Variants in ZNF618 observed in about 807,000 individuals in gnomAD.
ZNF618 encodes the protein zinc finger protein 618, also known as neural precursor cell expressed, developmentally down-regulated 10.
Under a neutral mutation model 103.0 loss-of-function variants are expected in ZNF618, and 34 were observed. The ratio of observed to expected loss-of-function variants is 0.33; its 90% confidence interval spans 0.25 to 0.44. The LOEUF (loss-of-function observed/expected upper bound fraction) is 0.44, where lower values mean the gene tolerates loss of function less well. Among genes scored for constraint, ZNF618 ranks in the 20% least tolerant of loss-of-function variants. The probability of loss-of-function intolerance (pLI) is 1.00; values close to 1 mark genes in which losing one functional copy is unlikely to be tolerated. For missense variants in ZNF618, 1,059 were observed against 1,295.4 expected, an observed-to-expected ratio of 0.82 and a Z score of 2.80; for synonymous variants, 551 against 542.2, an observed-to-expected ratio of 1.02 and a Z score of -0.23.
chr9:113,939,533 A>G (rs893365028), intron 1 of ZNF618, among the ~76,000 whole-genome samples: 49 of 152,136 alleles, frequency 3.2e-4, no homozygotes, highest in Non-Finnish European at 5.6e-4. Flanking sequence ...TCTCCTCCTC[A>G]CACCTCACGA....
chr9:113,955,149 T>C (rs1286947870), intron 1 of ZNF618, among the ~76,000 whole-genome samples: 24 of 129,900 alleles, frequency 1.8e-4, no homozygotes, highest in Admixed American at 6.7e-4. Context: ...GACTTCTCTT[T>C]TTTTTTTTTT....
intron 1 of ZNF618, among the ~76,000 whole-genome samples, chr9:113,908,727 T>A (rs1482288181): frequency 6.6e-6 from 1 of 152,000 alleles, no homozygotes; most frequent in African/African-American, 2.4e-5. Context: ...TTGCCCCTTC[T>A]CAGGCTCTGC....
chr9:114,039,232 G>A (rs1044737295), intron 13 of ZNF618, among the ~76,000 whole-genome samples: 3 of 152,122 alleles, frequency 2.0e-5, no homozygotes, highest in African/African-American at 4.8e-5. Flanking sequence ...CAGGAGGACC[G>A]CAGCTAAGAG....
At chr9:113,986,050 CATG>C (rs1839442481) in intron 2 of ZNF618, among the ~76,000 whole-genome samples, 1 of 152,208 alleles carries the variant, frequency 6.6e-6, no homozygotes, top group African/African-American at 2.4e-5. Flanking sequence ...GGGACAGACA[CATG>C]AGGAGGAGGC....
At chr9:113,920,723 G>T (rs1196861314) in intron 1 of ZNF618, among the ~76,000 whole-genome samples, 1 of 152,156 alleles carries the variant, frequency 6.6e-6, no homozygotes, top group Non-Finnish European at 1.5e-5. Flanking sequence ...TTTTTAATGA[G>T]TTTACATCAT....
intron 1 of ZNF618, 82 bp downstream of exon 1, chr9:113,876,495 A>C: frequency 1.9e-6 from 2 of 1,074,740 alleles, no homozygotes; most frequent in Non-Finnish European, 2.3e-6. Flanking sequence ...CTTCATTGCA[A>C]GATTTGCAAA....
chr9:113,878,303 T>C (rs550448635), intron 1 of ZNF618, among the ~76,000 whole-genome samples: 17 of 152,288 alleles, frequency 1.1e-4, no homozygotes, highest in African/African-American at 4.1e-4. Flanking sequence ...ACACTTACTT[T>C]GCTGAAGAAA....
chr9:113,906,866 A>G (rs1016688341), intron 1 of ZNF618, among the ~76,000 whole-genome samples: 2 of 152,222 alleles, frequency 1.3e-5, no homozygotes, highest in East Asian at 1.9e-4. Context: ...AATTTTAGGC[A>G]TGGCTGGCCC....
chr9:113,877,678 A>G (rs1308901503), intron 1 of ZNF618, among the ~76,000 whole-genome samples: 1 of 151,304 alleles, frequency 6.6e-6, no homozygotes. Flanking sequence ...TTTTGTTTTG[A>G]TGGAATAATT....
intron 1 of ZNF618, among the ~76,000 whole-genome samples, chr9:113,948,044 A>G (rs1227839661): frequency 6.6e-6 from 1 of 152,184 alleles, no homozygotes; most frequent in Admixed American, 6.5e-5. Flanking sequence ...GGTAGATTGC[A>G]TGGAAGAGAT....
chr9:113,939,050 G>C (rs953657865), intron 1 of ZNF618, among the ~76,000 whole-genome samples: 2 of 150,744 alleles, frequency 1.3e-5, no homozygotes, highest in African/African-American at 4.9e-5. Context: ...ATGTTGGTTT[G>C]TTCCCTCCCA....
At position 113,969,230 on chromosome 9, in the gene ZNF618, T is replaced by A; in HGVS notation, c.77+70T>A. ...GGTCTTCATGACTAACAGTTACCAC[T>A]CTCTGGTCCTCATCTTCCCCCTGGA... On this transcript the variant is annotated intron_variant, in intron 2 of 14. Transcript: ENST00000374126. 1.9e-6 allele frequency: 3 copies of A among 1,577,364 alleles called. No homozygotes were observed. The South Asian group carries it at 3.3e-5, about 18-fold the overall frequency.
At chr9:113,982,044 C>T (rs1055323271) in intron 2 of ZNF618, among the ~76,000 whole-genome samples, 8 of 152,128 alleles carry the variant, frequency 5.3e-5, no homozygotes, top group African/African-American at 1.4e-4. Context: ...GAAACCTCCC[C>T]GGGCAGAGTC....
chr9:113,897,660 A>G (rs1197552283), intron 1 of ZNF618, among the ~76,000 whole-genome samples: 1 of 152,058 alleles, frequency 6.6e-6, no homozygotes, highest in Non-Finnish European at 1.5e-5. Context: ...ACTTTTGGTT[A>G]TTTTAATCTC....
In ZNF618 at chr9:114,034,696, G is replaced by A. The variant is rs189265781; in HGVS notation, c.1169-1604G>A. On this transcript the variant is annotated intron_variant, in intron 12 of 14. Coordinates refer to ENST00000374126, the MANE Select transcript of ZNF618 (RefSeq NM_001318042.2). ...CTGGCCCCGCTGTGCTGCCTGCTGC[G>A]TTTGAGGCTTGCCAACCTCTGGCAG... Among the ~76,000 whole-genome samples, 11 of 152,292 alleles carry A rather than the reference G, an allele frequency of 7.2e-5. No individual in the cohort carries two copies. The East Asian group carries it at 7.7e-4, about 11-fold the overall frequency.
chr9:113,895,881 A>G (rs188520796), intron 1 of ZNF618, among the ~76,000 whole-genome samples: 4 of 152,234 alleles, frequency 2.6e-5, no homozygotes, highest in South Asian at 4.1e-4. Flanking sequence ...CCTTTCTTCA[A>G]TAACATTTTG....
intron 1 of ZNF618, among the ~76,000 whole-genome samples, chr9:113,929,653 G>A (rs16910655): frequency 0.05 from 7,625 of 152,218 alleles, 618 homozygotes; most frequent in East Asian, 0.3. Context: ...GCTGGGCTGG[G>A]AATCCTGAAT....
intron 1 of ZNF618, among the ~76,000 whole-genome samples, chr9:113,897,730 G>A (rs1479075997): frequency 3.3e-5 from 5 of 151,870 alleles, no homozygotes; most frequent in Non-Finnish European, 5.9e-5. Context: ...TCACTTACTC[G>A]GTTTTCTGCA....
At chr9:114,014,743 T>A (rs114728832) in intron 9 of ZNF618, among the ~76,000 whole-genome samples, 3,377 of 149,780 alleles carry the variant, frequency 0.023, 136 homozygotes, top group African/African-American at 0.078. Context: ...TGTTAAAACA[T>A]GGATTGCAGG....
Sources: gnomAD v4.1 joint callset for allele counts (sites outside exome capture counted in the v4.1 genomes callset) on GRCh38, gnomAD v4.1.1 for gene constraint, MANE v1.5 for transcripts, NCBI Gene and HGNC (gene_info 2026-07-23, HGNC 2026-07-21) for gene names.